STYXL1: variants seen among roughly 807,000 people sequenced by gnomAD.
The protein encoded by STYXL1 is serine/threonine/tyrosine-interacting-like protein 1.
STYXL1 carries 32 observed loss-of-function variants against 36.4 expected under a neutral mutation model. That is an observed-to-expected ratio of 0.88 (90% CI 0.66 to 1.18). STYXL1 has a LOEUF of 1.18. Among genes scored for constraint, STYXL1 ranks in the 50% most tolerant of loss-of-function variants. STYXL1 has a pLI of 0.00. For missense variants in STYXL1, 354 were observed against 394.1 expected, an observed-to-expected ratio of 0.90 and a Z score of 0.86; for synonymous variants, 133 against 144.1, an observed-to-expected ratio of 0.92 and a Z score of 0.55.
At chr7:76,013,350 G>A (rs1459735164) in intron 5 of STYXL1, among the ~76,000 whole-genome samples, 4 of 143,704 alleles carry the variant, frequency 2.8e-5, no homozygotes, top group Non-Finnish European at 4.6e-5. Flanking sequence ...AAAAGTGGAG[G>A]AGATGGGGGA....
chr7:76,032,938 G>C (rs1795530317), intron 1 of STYXL1, among the ~76,000 whole-genome samples: 1 of 152,070 alleles, frequency 6.6e-6, no homozygotes, highest in Non-Finnish European at 1.5e-5. Context: ...AAGGAGCCTG[G>C]TGTGGCTCCT....
intron 8 of STYXL1, chr7:76,000,665 G>T: frequency 1.6e-6 from 1 of 608,674 alleles, no homozygotes; most frequent in South Asian, 1.6e-5. Flanking sequence ...AGCCTGACCT[G>T]GCCTGAGTCC....
At chr7:76,045,504 C>T (rs913863884) in intron 1 of STYXL1, 6 of 152,204 alleles carry the variant, frequency 3.9e-5, no homozygotes, top group African/African-American at 1.4e-4. Context: ...CTAGACCAGC[C>T]TGGCCAACAT....
At position 76,005,395 on chromosome 7, in the gene STYXL1, C is replaced by T. The variant is rs1554569834; in HGVS notation, c.463G>A (p.Ala155Thr). 6 of 1,611,660 alleles carry T rather than the reference C, an allele frequency of 3.7e-6. No individual in the cohort carries two copies. In the Admixed American group the frequency reaches 6.7e-5, roughly 18 times the overall value. Residue 155 changes from alanine (A) to threonine (T), a missense_variant, in exon 6 of 9, where the codon GCA (alanine) becomes ACA (threonine). Coordinates refer to ENST00000359697, the MANE Select transcript of STYXL1 (RefSeq NM_001317785.2). Reference sequence around the variant, plus strand: ...ATTTCAATGGGGTATGGCTGAAATGCATCCAGTTCCTGAAGTGTGGAGGGA... The same window carrying T: ...ATTTCAATGGGGTATGGCTGAAATGTATCCAGTTCCTGAAGTGTGGAGGGA... ...KIIWMPQELD[A>T]FQPYPIEIVP... is the part of the protein sequence containing the mutation.
At chr7:76,004,950 G>A (rs564737811) in intron 6 of STYXL1, among the ~76,000 whole-genome samples, 1,721 of 148,288 alleles carry the variant, frequency 0.012, 15 homozygotes, top group Non-Finnish European at 0.017. Context: ...GCAGTGAGCC[G>A]AGATTGTGCC....
chr7:76,046,274 C>CTGTG (rs782245806), intron 1 of STYXL1, among the ~76,000 whole-genome samples: 80 of 103,152 alleles, frequency 7.8e-4, no homozygotes, highest in African/African-American at 2.9e-3. Flanking sequence ...AGCTTATCTG[C>CTGTG]TGTGTGTGTG....
At chr7:75,997,373 G>A (rs1285404107) in intron 8 of STYXL1, among the ~76,000 whole-genome samples, 2 of 152,202 alleles carry the variant, frequency 1.3e-5, no homozygotes, top group Non-Finnish European at 2.9e-5. Context: ...GGCGGAGGTT[G>A]CAGTGAGCCG....
intron 1 of STYXL1, among the ~76,000 whole-genome samples, chr7:76,040,070 C>A (rs1554581836): frequency 6.6e-6 from 1 of 152,170 alleles, no homozygotes; most frequent in Non-Finnish European, 1.5e-5. Context: ...CAAACCTAAG[C>A]CTGCTAGACC....
chr7:76,024,254 G>C (rs1387187122), intron 3 of STYXL1, among the ~76,000 whole-genome samples: 1 of 152,176 alleles, frequency 6.6e-6, no homozygotes, highest in Non-Finnish European at 1.5e-5. Context: ...CAAAAAGGGG[G>C]AGGTGTTGGG....
intron 1 of STYXL1, among the ~76,000 whole-genome samples, chr7:76,036,051 G>A (rs140793174): frequency 6.7e-6 from 1 of 150,012 alleles, no homozygotes; most frequent in Non-Finnish European, 1.5e-5. Context: ...TGAGGACTGA[G>A]CACAAGTAAC....
At chr7:76,030,837 ACCC>A in intron 1 of STYXL1, among the ~76,000 whole-genome samples, 1 of 137,288 alleles carries the variant, frequency 7.3e-6, no homozygotes, top group Non-Finnish European at 1.6e-5. Flanking sequence ...CAATGGCAAG[ACCC>A]CATCTCTACT....
In STYXL1 at chr7:76,005,384, T is replaced by C. The variant is rs1336637859; in HGVS notation, c.474A>G (p.Pro158=). ...TCCCTGGCACGATTTCAATGGGGTATGGCTGAAATGCATCCAGTTCCTGAA... is the reference window on the plus strand; with the variant it reads ...TCCCTGGCACGATTTCAATGGGGTACGGCTGAAATGCATCCAGTTCCTGAA... The part of the protein sequence containing the change: ...WMPQELDAFQ[P]YPIEIVPGKV... The change falls in exon 6 of 9, where the codon CCA becomes CCG. Residue 158 remains proline, a synonymous_variant. Transcript: ENST00000359697. 2 of 1,612,722 alleles carry C rather than the reference T, an allele frequency of 1.2e-6. No individual in the cohort carries two copies. Among genetic ancestry groups the C allele is most frequent in the African/African-American group, 2.7e-5 (2 of 74,880 alleles).
intron 4 of STYXL1, among the ~76,000 whole-genome samples, chr7:76,018,570 TA>T (rs1480077822): frequency 1.4e-4 from 22 of 152,272 alleles, no homozygotes; most frequent in African/African-American, 4.8e-4. Context: ...TTTGTATTTT[TA>T]ATAGAGATGG....
At chr7:76,041,310 A>G (rs907473949) in intron 1 of STYXL1, among the ~76,000 whole-genome samples, 2 of 152,222 alleles carry the variant, frequency 1.3e-5, no homozygotes, top group Non-Finnish European at 2.9e-5. Flanking sequence ...TGATTGTGAT[A>G]TAAGCCCACT....
chr7:76,005,647 A>C (rs1554569936), intron 5 of STYXL1, among the ~76,000 whole-genome samples: 2 of 152,104 alleles, frequency 1.3e-5, no homozygotes, highest in Non-Finnish European at 2.9e-5. Flanking sequence ...ACTGGTGTCC[A>C]TTCCCTCCGT....
chr7:76,005,110 A>T (rs1791493632), intron 6 of STYXL1, 149 bp downstream of exon 6: 1 of 292,334 alleles, frequency 3.4e-6, no homozygotes. Context: ...TGGCACATGT[A>T]TACATATGTA....
At chr7:76,006,485 C>T (rs1251374789) in intron 5 of STYXL1, among the ~76,000 whole-genome samples, 7 of 152,028 alleles carry the variant, frequency 4.6e-5, no homozygotes, top group South Asian at 2.1e-4. Context: ...TTTCGTTTGC[C>T]GGGCGCAGTG....
At chr7:76,042,983 A>G (rs1554582542) in intron 1 of STYXL1, among the ~76,000 whole-genome samples, 1 of 152,150 alleles carries the variant, frequency 6.6e-6, no homozygotes, top group East Asian at 1.9e-4. Flanking sequence ...GAGGCTGGCG[A>G]GCTGTTGGCA....
chr7:76,027,635 C>T (rs1807929060), intron 3 of STYXL1, among the ~76,000 whole-genome samples: 1 of 150,772 alleles, frequency 6.6e-6, no homozygotes, highest in Non-Finnish European at 1.5e-5. Flanking sequence ...ACATAAAGCT[C>T]CAAAAATAAA....
Sources: allele counts gnomAD v4.1 joint callset (sites outside exome capture counted in the v4.1 genomes callset), GRCh38; gene constraint gnomAD v4.1.1; transcripts MANE v1.5; gene names NCBI Gene and HGNC (gene_info 2026-07-23, HGNC 2026-07-21).